The following ALG9 variants were observed in gnomAD, a reference collection of about 807,000 sequenced individuals.
The protein encoded by ALG9 is ALG9 alpha-1,2-mannosyltransferase.
In ALG9, 55 loss-of-function variants were observed where a neutral mutation model predicts 81.8. That is an observed-to-expected ratio of 0.67 (90% CI 0.54 to 0.84). The LOEUF (loss-of-function observed/expected upper bound fraction) is 0.84. ALG9 is among the 40% of genes least tolerant of loss of function. ALG9 has a pLI of 0.00. For missense variants in ALG9, 629 were observed against 745.0 expected, an observed-to-expected ratio of 0.84 and a Z score of 1.81; for synonymous variants, 278 against 274.3, an observed-to-expected ratio of 1.01 and a Z score of -0.13.
At chr11:111,802,860 T>C (rs1309424497) in intron 14 of ALG9, among the ~76,000 whole-genome samples, 1 of 152,178 alleles carries the variant, frequency 6.6e-6, no homozygotes, top group Non-Finnish European at 1.5e-5. Context: ...CTCAATTATT[T>C]CACACCTTCT....
intron 4 of ALG9, 99 bp from the exon 5 acceptor site, chr11:111,860,734 A>G: frequency 1.1e-6 from 1 of 876,558 alleles, no homozygotes. Context: ...CTGAAGATCT[A>G]AAGTCAAACA....
intron 13 of ALG9, among the ~76,000 whole-genome samples, chr11:111,819,013 A>G (rs902300077): frequency 6.6e-6 from 1 of 152,250 alleles, no homozygotes; most frequent in Admixed American, 6.5e-5. Flanking sequence ...ACATAGAAGA[A>G]TCAAAGAAGT....
At chr11:111,793,495 C>T (rs1047952656) in intron 14 of ALG9, among the ~76,000 whole-genome samples, 3 of 152,194 alleles carry the variant, frequency 2.0e-5, no homozygotes, top group Admixed American at 6.5e-5. Flanking sequence ...GGCATGGTGG[C>T]TCACGCCTGT....
rs1205029816 is a variant in ALG9 at position 111,860,416 on chromosome 11, T to C, written c.565+131A>G. The C allele has an allele frequency of 2.0e-5, 16 of 795,450 alleles. No individual in the cohort carries two copies. In the East Asian group the frequency reaches 3.8e-4, roughly 19 times the overall value. 49.3% of individuals were successfully genotyped at this position (795,450 alleles called of 1,614,324 possible). The stretch of plus-strand genomic sequence containing the variant: ...GCAAATTATTGACATGTTCTACAAA[T>C]ATAACCTACATTTGGACAAATGCTT... On this transcript the variant is annotated intron_variant, in intron 5 of 14. Transcript: ENST00000616540.
intron 14 of ALG9, among the ~76,000 whole-genome samples, chr11:111,798,792 C>T (rs1195295846): frequency 6.6e-6 from 1 of 152,124 alleles, no homozygotes; most frequent in Non-Finnish European, 1.5e-5. Flanking sequence ...GTTGTGTGAG[C>T]AGGGACTAGA....
intron 13 of ALG9, chr11:111,817,257 A>G (rs533864143): frequency 1.3e-5 from 2 of 152,420 alleles, no homozygotes; most frequent in South Asian, 4.1e-4. Flanking sequence ...GGCCTATACT[A>G]GCTATGCTGC....
At chr11:111,870,411 C>T in intron 1 of ALG9, 41 bp from the exon 2 acceptor site, 1 of 1,424,264 alleles carries the variant, frequency 7.0e-7, no homozygotes, top group Non-Finnish European at 9.3e-7. Context: ...AAAAGCATGT[C>T]AGGAAGGACC....
chr11:111,857,927 T>A, intron 5 of ALG9, 190 bp from the exon 6 acceptor site: 1 of 634,630 alleles, frequency 1.6e-6, no homozygotes, highest in Non-Finnish European at 2.6e-6. Context: ...GTTCAATGAC[T>A]CTTATTTTTC....
At chr11:111,826,674 A>T (rs1022091357) in intron 13 of ALG9, among the ~76,000 whole-genome samples, 2 of 152,154 alleles carry the variant, frequency 1.3e-5, no homozygotes, top group Non-Finnish European at 2.9e-5. Flanking sequence ...GGTACTTGAT[A>T]TATCTTGGTA....
intron 13 of ALG9, among the ~76,000 whole-genome samples, chr11:111,828,289 G>A (rs1274673757): frequency 6.6e-6 from 1 of 152,198 alleles, no homozygotes; most frequent in Non-Finnish European, 1.5e-5. Context: ...CACCGCCAAT[G>A]GATAGTCTTG....
intron 12 of ALG9, among the ~76,000 whole-genome samples, chr11:111,837,146 A>T (rs1314136572): frequency 6.6e-6 from 1 of 152,192 alleles, no homozygotes; most frequent in Non-Finnish European, 1.5e-5. Context: ...TTAACATCAG[A>T]TCATTATAGA....
At chr11:111,865,309 T>C in intron 3 of ALG9, 58 bp from the exon 4 acceptor site, 1 of 1,327,402 alleles carries the variant, frequency 7.5e-7, no homozygotes, top group Non-Finnish European at 1.0e-6. Context: ...GAAAAACTCA[T>C]AAACATGAAC....
intron 14 of ALG9, among the ~76,000 whole-genome samples, chr11:111,803,070 A>C (rs1555081843): frequency 6.6e-6 from 1 of 152,208 alleles, no homozygotes; most frequent in African/African-American, 2.4e-5. Flanking sequence ...CAAGATGTCA[A>C]TTCCTCCCAA....
At chr11:111,820,011 A>T (rs1430916799) in intron 13 of ALG9, among the ~76,000 whole-genome samples, 1 of 152,242 alleles carries the variant, frequency 6.6e-6, no homozygotes, top group Non-Finnish European at 1.5e-5. Flanking sequence ...CCCCTGGAGG[A>T]CAATCTATTT....
At chr11:111,859,937 G>T (rs1555146474) in intron 5 of ALG9, among the ~76,000 whole-genome samples, 1 of 152,074 alleles carries the variant, frequency 6.6e-6, no homozygotes, top group East Asian at 1.9e-4. Flanking sequence ...GGACCAACTT[G>T]ATTCAGCTTA....
chr11:111,788,199 C>T (rs1326791572), intron 14 of ALG9, among the ~76,000 whole-genome samples: 1 of 152,188 alleles, frequency 6.6e-6, no homozygotes, highest in South Asian at 2.1e-4. Context: ...TACTGGCAGC[C>T]TAACCTTGGG....
At position 111,846,408 on chromosome 11, in the gene ALG9, G is replaced by GT. The variant is rs1368255411; in HGVS notation, c.896-1686dup. ...TCTTTCATATTTGCAAATACAGACT[G>GT]TTTTTTTCAGGAAAGCACTTTAGCT... On this transcript the variant is annotated intron_variant, in intron 8 of 14. Coordinates refer to ENST00000616540, the MANE Select transcript of ALG9 (RefSeq NM_024740.2). Among the ~76,000 whole-genome samples, 15 of 152,212 alleles carry GT rather than the reference G, an allele frequency of 9.9e-5. No homozygotes were observed. The South Asian group carries it at 1.7e-3, about 17-fold the overall frequency.
In ALG9 at chr11:111,857,783, A is replaced by G. The variant is rs201395098; in HGVS notation, c.566-46T>C. ...AAAAAGGCAGGAGGACAAGAGCTCG[A>G]GGTTAATTAGGTATCAATTAAAAAC... is the stretch of plus-strand genomic sequence containing the variant. On this transcript the variant is annotated intron_variant, in intron 5 of 14. Transcript: ENST00000616540. 6 of 1,609,306 alleles carry G rather than the reference A, an allele frequency of 3.7e-6. No homozygotes were observed. The African/African-American group carries it at 6.7e-5, about 18-fold the overall frequency.
the ALG9 span, among the ~76,000 whole-genome samples, chr11:111,770,076 A>G: frequency 7.9e-4 from 120 of 152,310 alleles, no homozygotes; most frequent in African/African-American, 2.8e-3. Context: ...ATAAACATGG[A>G]GATGCTAATA....
Sources: gnomAD v4.1 joint callset for allele counts (sites outside exome capture counted in the v4.1 genomes callset) on GRCh38, gnomAD v4.1.1 for gene constraint, MANE v1.5 for transcripts, NCBI Gene and HGNC (gene_info 2026-07-23, HGNC 2026-07-21) for gene names.